Variants in TEX9 observed in about 807,000 individuals in gnomAD.
The protein encoded by TEX9 is testis-expressed protein 9.
In TEX9, 74 loss-of-function variants were observed where a neutral mutation model predicts 59.6. The ratio of observed to expected loss-of-function variants is 1.24; its 90% CI spans 1.03 to 1.51. The LOEUF is 1.51. Among genes scored for constraint, TEX9 ranks in the 40% most tolerant of loss-of-function variants. The pLI, the probability that TEX9 is intolerant of heterozygous loss-of-function variation, is 0.00. For missense variants in TEX9, 522 were observed against 447.8 expected (o/e 1.17, Z -1.49); for synonymous variants, 186 against 152.2 (o/e 1.22, Z -1.64).
At chr15:56,447,396 A>G (rs528563479), downstream of TEX9, 1 of 153,802 alleles carries the variant, frequency 6.5e-6, no homozygotes, top group East Asian at 1.9e-4. Flanking sequence ...GAAAGTACTA[A>G]TATCTTTACA....
Position 56,295,923 on chromosome 15 carries a change from A to G in TEX9, c.-107+51645A>G, listed in dbSNP as rs1053635440. Among the ~76,000 whole-genome samples the G allele has an allele frequency of 3.3e-5, 5 of 152,280 alleles. No individual in the cohort carries two copies. The South Asian group carries it at 1.0e-3, about 32-fold the overall frequency. On this transcript the variant is annotated intron_variant, in intron 1 of 5. Transcript: ENST00000560827. ...TTTCCTATAAACCAAAGGCTTTGTT[A>G]CGCTTCTGCTCCTAAAATCCCAAAC...
intron 1 of TEX9, among the ~76,000 whole-genome samples, chr15:56,347,037 C>G (rs370004907): frequency 2.1e-4 from 32 of 152,200 alleles, no homozygotes; most frequent in Middle Eastern, 3.4e-3. Context: ...ATGCGTAGGA[C>G]TTGTATGGTG....
chr15:56,335,456 T>C (rs377745517), intron 1 of TEX9, among the ~76,000 whole-genome samples: 91 of 152,066 alleles, frequency 6.0e-4, no homozygotes, highest in Middle Eastern at 6.8e-3. Flanking sequence ...ATTAAAACAA[T>C]TGAACTCATG....
intron 1 of TEX9, among the ~76,000 whole-genome samples, chr15:56,308,005 A>G (rs2045522093): frequency 6.6e-6 from 1 of 152,134 alleles, no homozygotes; most frequent in Non-Finnish European, 1.5e-5. Flanking sequence ...AATTGTCTCT[A>G]CTTTTTAGCT....
intron 1 of TEX9, among the ~76,000 whole-genome samples, chr15:56,321,634 G>C (rs1171605974): frequency 1.3e-5 from 2 of 152,190 alleles, no homozygotes; most frequent in Admixed American, 1.3e-4. Flanking sequence ...AGCCAGGCCA[G>C]CATGGAAATT....
At chr15:56,367,999 T>G (rs988105084) in intron 2 of TEX9, among the ~76,000 whole-genome samples, 2 of 152,154 alleles carry the variant, frequency 1.3e-5, no homozygotes, top group African/African-American at 4.8e-5. Context: ...TCCTACATTC[T>G]CTCTTTTTCT....
At chr15:56,435,666 C>A (rs567180114) in intron 12 of TEX9, among the ~76,000 whole-genome samples, 4 of 151,940 alleles carry the variant, frequency 2.6e-5, no homozygotes, top group Admixed American at 6.6e-5. Flanking sequence ...ATTAAGGAGA[C>A]GGAATTAATA....
chr15:56,294,822 T>G (rs1471602773), intron 1 of TEX9, among the ~76,000 whole-genome samples: 1 of 152,076 alleles, frequency 6.6e-6, no homozygotes, highest in African/African-American at 2.4e-5. Context: ...TCACTTAGGG[T>G]TAGCTTAGGA....
Position 56,334,319 on chromosome 15 carries a change from C to G in TEX9, c.-106-39122C>G, listed in dbSNP as rs750467572. Among the ~76,000 whole-genome samples, 6 of 152,180 alleles carry G rather than the reference C, an allele frequency of 3.9e-5. 1 individual carries two copies. Among genetic ancestry groups the G allele is most frequent in the Admixed American group, 1.3e-4 (2 of 15,276 alleles). On this transcript the variant is annotated intron_variant, in intron 1 of 5. Transcript: ENST00000560827. ...CTGGCATAAAGACAGACACATAGAC[C>G]AGTGGAACATAGTAGAGAGCCCGGA...
chr15:56,252,952 CAAAT>C (rs1374069207), intron 1 of TEX9, among the ~76,000 whole-genome samples: 18 of 152,058 alleles, frequency 1.2e-4, no homozygotes, highest in Admixed American at 9.8e-4. Context: ...TAGTAAAAGC[CAAAT>C]AAATTATGAA....
chr15:56,425,115 T>C (rs1173252387), intron 10 of TEX9, among the ~76,000 whole-genome samples: 2 of 152,152 alleles, frequency 1.3e-5, no homozygotes, highest in Non-Finnish European at 2.9e-5. Flanking sequence ...CTGATAATCT[T>C]ACAGATGCTC....
chr15:56,358,615 A>C (rs2046732763), intron 1 of TEX9, among the ~76,000 whole-genome samples: 1 of 152,144 alleles, frequency 6.6e-6, no homozygotes, highest in African/African-American at 2.4e-5. Flanking sequence ...TGAAGTCCAT[A>C]GTTTATTCAG....
At chr15:56,363,223 G>A (rs2046822664), upstream of TEX9, among the ~76,000 whole-genome samples, 1 of 151,730 alleles carries the variant, frequency 6.6e-6, no homozygotes, top group African/African-American at 2.4e-5. Flanking sequence ...CAGTTTATGA[G>A]GGTTCAAGTT....
chr15:56,347,776 A>T (rs974345598), intron 1 of TEX9, among the ~76,000 whole-genome samples: 1 of 152,102 alleles, frequency 6.6e-6, no homozygotes, highest in South Asian at 2.1e-4. Flanking sequence ...ACTTTATTAA[A>T]ATTAAAAACA....
At chr15:56,313,485 C>T in intron 1 of TEX9, among the ~76,000 whole-genome samples, 1 of 146,540 alleles carries the variant, frequency 6.8e-6, no homozygotes, top group South Asian at 2.2e-4. Context: ...AGCCTTGCAT[C>T]CCAGGGCTGA....
intron 1 of TEX9, among the ~76,000 whole-genome samples, chr15:56,357,300 A>G (rs192196709): frequency 1.3e-5 from 2 of 152,252 alleles, no homozygotes; most frequent in South Asian, 2.1e-4. Flanking sequence ...CATTGTAGCT[A>G]TTAAAACACC....
intron 7 of TEX9, among the ~76,000 whole-genome samples, chr15:56,392,823 G>A (rs12911002): frequency 0.044 from 6,698 of 152,156 alleles, 223 homozygotes; most frequent in Admixed American, 0.086. Flanking sequence ...ATTGTTCCTC[G>A]GTAGAGGAAC....
chr15:56,398,679 A>G (rs2048603509), intron 9 of TEX9, among the ~76,000 whole-genome samples: 1 of 151,900 alleles, frequency 6.6e-6, no homozygotes, highest in Admixed American at 6.6e-5. Flanking sequence ...TCCATTTTCC[A>G]TTTCTTATCC....
At chr15:56,259,779 G>A (rs1252045257) in intron 1 of TEX9, among the ~76,000 whole-genome samples, 3 of 151,956 alleles carry the variant, frequency 2.0e-5, no homozygotes, top group South Asian at 4.1e-4. Flanking sequence ...AATTCTGTTA[G>A]GATCTTGACT....
Sources: gnomAD v4.1 joint callset for allele counts (sites outside exome capture counted in the v4.1 genomes callset) on GRCh38, gnomAD v4.1.1 for gene constraint, MANE v1.5 for transcripts, NCBI Gene and HGNC (gene_info 2026-07-23, HGNC 2026-07-21) for gene names.